Variants in SNX16 observed in about 807,000 individuals in gnomAD.
SNX16 encodes the protein sorting nexin-16.
SNX16 carries 35 observed loss-of-function variants against 36.7 expected under a neutral mutation model. That is an observed-to-expected ratio of 0.95 (90% CI 0.73 to 1.27). SNX16 has a LOEUF of 1.27. Ranked by LOEUF, SNX16 falls within the 50% of genes most tolerant of loss-of-function variation. The pLI, the probability that SNX16 is intolerant of heterozygous loss-of-function variation, is 0.00. For synonymous variants in SNX16, 134 were observed against 132.0 expected, an observed-to-expected ratio of 1.02 and a Z score of -0.10; for missense variants, 367 against 393.6, an observed-to-expected ratio of 0.93 and a Z score of 0.57.
At chr8:81,826,304 T>G (rs1186717354) in intron 3 of SNX16, among the ~76,000 whole-genome samples, 2 of 152,158 alleles carry the variant, frequency 1.3e-5, no homozygotes, top group Non-Finnish European at 2.9e-5. Context: ...AATGCCTGGT[T>G]GCATCTGCCA....
chr8:81,812,806 A>G lies in SNX16; in HGVS notation c.681+2519T>C, dbSNP rs138920101. 2.0e-3 allele frequency among the ~76,000 whole-genome samples: 301 copies of G among 152,206 alleles called. 2 individuals carry two copies. Among genetic ancestry groups the G allele is most frequent in the African/African-American group, 7.0e-3 (289 of 41,566 alleles). Reference sequence around the variant, plus strand: ...TAGAGCACAAAAGACTGTATAAAGAAATAATTATTGCACTGTATTGTTAGG... The same window carrying G: ...TAGAGCACAAAAGACTGTATAAAGAGATAATTATTGCACTGTATTGTTAGG... On this transcript the variant is annotated intron_variant, in intron 5 of 7. Transcript: ENST00000345957.
At chr8:81,822,711 A>G (rs1260728714) in intron 4 of SNX16, among the ~76,000 whole-genome samples, 1 of 151,934 alleles carries the variant, frequency 6.6e-6, no homozygotes, top group African/African-American at 2.4e-5. Flanking sequence ...AAATTGGAGG[A>G]AAAAAGTCTG....
At position 81,815,311 on chromosome 8, in the gene SNX16, A is replaced by G. The variant is rs749766900; in HGVS notation, c.681+14T>C. ...TTGTTCCTCTTTTCATGTGCTATATAATACAGCACTTACCCTGCTTTCTTC... is the reference window on the plus strand; with the variant it reads ...TTGTTCCTCTTTTCATGTGCTATATGATACAGCACTTACCCTGCTTTCTTC... On this transcript the variant is annotated intron_variant, in intron 5 of 7. Coordinates refer to ENST00000345957, the MANE Select transcript of SNX16 (RefSeq NM_152836.3). 1.3e-5 allele frequency: 21 copies of G among 1,597,940 alleles called. No homozygotes were observed. The highest frequency in any genetic ancestry group is 1.7e-5 in the Non-Finnish European group (20 of 1,167,256).
At chr8:81,801,931 G>A (rs1809716435) in intron 7 of SNX16, among the ~76,000 whole-genome samples, 1 of 151,406 alleles carries the variant, frequency 6.6e-6, no homozygotes, top group African/African-American at 2.4e-5. Context: ...AATTACCTTG[G>A]ATTTGTATGC....
chr8:81,819,617 A>G (rs956454852), intron 4 of SNX16, among the ~76,000 whole-genome samples: 2 of 151,950 alleles, frequency 1.3e-5, no homozygotes, highest in African/African-American at 4.8e-5. Flanking sequence ...CTTTCTATTC[A>G]GTTTTTTTAA....
chr8:81,809,615 G>A (rs74353157), intron 5 of SNX16, among the ~76,000 whole-genome samples: 3,153 of 152,162 alleles, frequency 0.021, 105 homozygotes, highest in African/African-American at 0.072. Flanking sequence ...AAGAAAATTA[G>A]GCTAAAATAA....
chr8:81,840,890 T>A (rs1811723065), intron 1 of SNX16, among the ~76,000 whole-genome samples: 1 of 152,234 alleles, frequency 6.6e-6, no homozygotes, highest in Non-Finnish European at 1.5e-5. Context: ...ACTATTACTT[T>A]GTTAAATAAT....
chr8:81,832,759 GA>G (rs1811324843), intron 2 of SNX16, among the ~76,000 whole-genome samples: 1 of 151,106 alleles, frequency 6.6e-6, no homozygotes, highest in Non-Finnish European at 1.5e-5. Flanking sequence ...TGTATTAAGA[GA>G]AAGTGTTATT....
chr8:81,810,595 GAGAA>G (rs1282764113), intron 5 of SNX16, among the ~76,000 whole-genome samples: 1 of 152,152 alleles, frequency 6.6e-6, no homozygotes, highest in African/African-American at 2.4e-5. Flanking sequence ...ATTTATTTTA[GAGAA>G]AGAGTCTAGG....
intron 2 of SNX16, among the ~76,000 whole-genome samples, chr8:81,838,152 A>G (rs1053875650): frequency 1.3e-5 from 2 of 152,198 alleles, no homozygotes; most frequent in Admixed American, 1.3e-4. Context: ...ATCAAACAAC[A>G]TCCATATCCT....
chr8:81,807,409 C>T (rs758851410), intron 5 of SNX16, among the ~76,000 whole-genome samples: 6 of 150,620 alleles, frequency 4.0e-5, no homozygotes, highest in Non-Finnish European at 8.8e-5. Flanking sequence ...ATCCCAGCTA[C>T]TCAGGAGGCT....
chr8:81,822,375 A>T (rs1378848087), intron 4 of SNX16, among the ~76,000 whole-genome samples: 1 of 152,106 alleles, frequency 6.6e-6, no homozygotes, highest in Admixed American at 6.6e-5. Context: ...AATATGGCAA[A>T]TGTACAGAGA....
chr8:81,832,622 C>T (rs956802956), intron 2 of SNX16, among the ~76,000 whole-genome samples: 7 of 151,870 alleles, frequency 4.6e-5, no homozygotes, highest in Non-Finnish European at 8.8e-5. Context: ...ATAAAATTTA[C>T]ATTTTTGTAA....
chr8:81,838,185 G>A (rs765450894), intron 2 of SNX16, among the ~76,000 whole-genome samples: 4 of 152,102 alleles, frequency 2.6e-5, no homozygotes, highest in Non-Finnish European at 5.9e-5. Flanking sequence ...ACCAACAGAT[G>A]TAAGAACCCT....
chr8:81,809,425 CAATTT>C (rs1208877943), intron 5 of SNX16, among the ~76,000 whole-genome samples: 1 of 145,320 alleles, frequency 6.9e-6, no homozygotes, highest in Non-Finnish European at 1.5e-5. Context: ...AATCAATAAA[CAATTT>C]AATTCTCTTA....
intron 5 of SNX16, among the ~76,000 whole-genome samples, chr8:81,809,110 TA>T (rs925587402): frequency 2.0e-5 from 3 of 152,286 alleles, no homozygotes; most frequent in African/African-American, 7.2e-5. Flanking sequence ...GCCATCTTGG[TA>T]AATTTCCCCA....
rs770141768 is a variant in SNX16, at chr8:81,815,307, A to G, written c.681+18T>C. On this transcript the variant is annotated intron_variant, in intron 5 of 7. Transcript: ENST00000345957. The stretch of plus-strand genomic sequence containing the variant: ...TTAATTGTTCCTCTTTTCATGTGCT[A>G]TATAATACAGCACTTACCCTGCTTT... The G allele has an allele frequency of 4.1e-5, 65 of 1,589,736 alleles. No homozygotes were observed. The highest frequency in any genetic ancestry group is 5.5e-5 in the Non-Finnish European group (64 of 1,159,888).
intron 3 of SNX16, among the ~76,000 whole-genome samples, chr8:81,825,410 A>G (rs529647835): frequency 6.6e-6 from 1 of 152,318 alleles, no homozygotes; most frequent in East Asian, 1.9e-4. Context: ...ATCACCCAGG[A>G]GTTTTAAAAG....
intron 5 of SNX16, among the ~76,000 whole-genome samples, chr8:81,809,042 G>A (rs550089538): frequency 7.3e-5 from 11 of 150,490 alleles, no homozygotes; most frequent in African/African-American, 2.7e-4. Flanking sequence ...TAGTCTGATT[G>A]TGATACTGAA....
Sources: allele counts gnomAD v4.1 joint callset (sites outside exome capture counted in the v4.1 genomes callset), GRCh38; gene constraint gnomAD v4.1.1; transcripts MANE v1.5; gene names NCBI Gene and HGNC (gene_info 2026-07-23, HGNC 2026-07-21).